PITPNM2: variants seen among roughly 807,000 people sequenced by gnomAD.
The protein encoded by PITPNM2 is membrane-associated phosphatidylinositol transfer protein 2.
In PITPNM2, 35 loss-of-function variants were observed where a neutral mutation model predicts 132.2. That is an observed-to-expected ratio of 0.26 (90% CI 0.20 to 0.35). PITPNM2 has a LOEUF of 0.35. Among genes scored for constraint, PITPNM2 ranks in the 10% least tolerant of loss-of-function variants. The pLI is 1.00. For missense variants in PITPNM2, 1,332 were observed against 1,912.0 expected, an observed-to-expected ratio of 0.70 and a Z score of 5.66; for synonymous variants, 738 against 799.2, an observed-to-expected ratio of 0.92 and a Z score of 1.29.
intron 2 of PITPNM2, among the ~76,000 whole-genome samples, chr12:123,047,352 T>G (rs1203989599): frequency 2.0e-5 from 3 of 152,252 alleles, no homozygotes; most frequent in South Asian, 2.1e-4. Context: ...GTTTTTATTC[T>G]AATGTTCTTA....
chr12:123,132,414 G>C (rs1305795686), intron 1 of PITPNM2, among the ~76,000 whole-genome samples: 3 of 152,178 alleles, frequency 2.0e-5, no homozygotes, highest in South Asian at 2.1e-4. Flanking sequence ...CACAGGGCCA[G>C]GTGTGGTCCA....
Position 123,120,774 on chromosome 12 carries a change from C to T in PITPNM2, c.-199-10286G>A, listed in dbSNP as rs142026493. ...GACACCACAGCCCCAGCAGGGACAA[C>T]CTCTCTGAGCACCTACTCTGAGCCA... On this transcript the variant is annotated intron_variant, in intron 1 of 25. Transcript: ENST00000320201. Among the ~76,000 whole-genome samples, 273 of 152,292 alleles carry T rather than the reference C, an allele frequency of 1.8e-3. 2 individuals are homozygous for T. The highest frequency in any genetic ancestry group is 6.5e-3 in the African/African-American group (269 of 41,544).
In PITPNM2 at chr12:122,987,640, G is replaced by A. The variant is rs774836429; in HGVS notation, c.3134C>T (p.Thr1045Ile). 10 of 1,613,392 alleles carry A rather than the reference G, an allele frequency of 6.2e-6. No homozygotes were observed. Among genetic ancestry groups the A allele is most frequent in the Non-Finnish European group, 8.5e-6 (10 of 1,179,782 alleles). The change falls in exon 22 of 26, where the codon ACC (threonine) becomes ATC (isoleucine). Residue 1045 changes from threonine (T) to isoleucine (I), a missense_variant. Thr to Ile is a moderately conservative substitution (Grantham distance 89). Around this residue, in one of 6 missense-constraint regions of PITPNM2, gnomAD observed 251 missense variants for 472.0 expected, o/e 0.53. Transcript: ENST00000320201. The part of the protein sequence containing the change: ...TGEKVDVHIM[T>I]QPPSGEWLYL... The stretch of plus-strand genomic sequence containing the variant: ...GAGCCACTCGCCTGAGGGCGGCTGG[G>A]TCATGATGTGCACATCCACCTGGGC...
intron 11 of PITPNM2, 119 bp from the exon 12 acceptor site, chr12:122,997,029 G>T: frequency 9.0e-7 from 1 of 1,106,152 alleles, no homozygotes; most frequent in Non-Finnish European, 1.3e-6. Context: ...ACCCTTCCCG[G>T]CCAGGGCCTG....
In PITPNM2 at chr12:122,994,933, T is replaced by G. The variant is rs2038358375; in HGVS notation, c.2101A>C (p.Ser701Arg). The G allele has an allele frequency of 1.2e-6, 2 of 1,611,476 alleles. No homozygotes were observed. The highest frequency in any genetic ancestry group is 1.7e-6 in the Non-Finnish European group (2 of 1,179,714). The change falls in exon 15 of 26, where the codon AGC (serine) becomes CGC (arginine). Residue 701 changes from serine (S) to arginine (R), a missense_variant. Physicochemically the swap from Ser to Arg is moderately radical, Grantham distance 110 (BLOSUM62 -1). Coordinates refer to ENST00000320201, the MANE Select transcript of PITPNM2 (RefSeq NM_020845.3). This position sits in a 1 kb window ranked among gnomAD's most constrained non-coding sequence, Gnocchi z 5.4. Reference protein sequence around the residue: ...LRTEPCSRHSSSSTMLDGTGA... With the variant: ...LRTEPCSRHSRSSTMLDGTGA... ...GTGCCATCCAGCATGGTGGAGCTGCTGGAATGGCGTGAGCAGGGCTCAGTC... is the reference window on the plus strand; with the variant it reads ...GTGCCATCCAGCATGGTGGAGCTGCGGGAATGGCGTGAGCAGGGCTCAGTC...
chr12:123,038,229 G>A (rs1445075613), intron 2 of PITPNM2, among the ~76,000 whole-genome samples: 2 of 152,222 alleles, frequency 1.3e-5, no homozygotes, highest in African/African-American at 4.8e-5. Context: ...GTACATACAT[G>A]GATAGGAAGA....
chr12:123,104,745 G>A (rs2042659416), intron 2 of PITPNM2, among the ~76,000 whole-genome samples: 1 of 152,078 alleles, frequency 6.6e-6, no homozygotes, highest in African/African-American at 2.4e-5. Context: ...GTGATTAAAA[G>A]CTTTATTGCT....
intron 1 of PITPNM2, among the ~76,000 whole-genome samples, chr12:123,144,995 G>T (rs1387114816): frequency 6.6e-6 from 1 of 152,170 alleles, no homozygotes; most frequent in Non-Finnish European, 1.5e-5. Flanking sequence ...CACTAACTCA[G>T]TGTTTGAAGA....
At chr12:123,110,765 C>T (rs569158916) in intron 1 of PITPNM2, among the ~76,000 whole-genome samples, 1 of 152,334 alleles carries the variant, frequency 6.6e-6, no homozygotes, top group African/African-American at 2.4e-5. Context: ...ACCACCAGCA[C>T]ACACCATAAG....
chr12:123,098,947 T>C (rs916963420), intron 2 of PITPNM2, among the ~76,000 whole-genome samples: 51 of 152,186 alleles, frequency 3.4e-4, no homozygotes, highest in African/African-American at 1.2e-3. Context: ...CCCCCTTTAC[T>C]CCTGATAAAC....
intron 2 of PITPNM2, among the ~76,000 whole-genome samples, chr12:123,076,376 A>C (rs1447629966): frequency 6.6e-6 from 1 of 152,252 alleles, no homozygotes; most frequent in African/African-American, 2.4e-5. Context: ...GCTCAAAGGC[A>C]GTTTTAAAGA....
At position 123,078,978 on chromosome 12, in the gene PITPNM2, C is replaced by T. The variant is rs1364844544; in HGVS notation, c.-96+31407G>A. Among the ~76,000 whole-genome samples the T allele has an allele frequency of 6.6e-6, 1 of 152,224 alleles. No homozygotes were observed. Among genetic ancestry groups the T allele is most frequent in the Admixed American group, 6.5e-5 (1 of 15,288 alleles). ...TCACATGACCAGGGGCAAGTCTGGT[C>T]ACTTCCTTGAGCTTCTATCTCCTTA... On this transcript the variant is annotated intron_variant, in intron 2 of 25. Coordinates refer to ENST00000320201, the MANE Select transcript of PITPNM2 (RefSeq NM_020845.3). The surrounding 1 kb of genome is among the most constrained non-coding windows in gnomAD (Gnocchi z 7.3).
upstream of PITPNM2, among the ~76,000 whole-genome samples, chr12:123,151,226 A>C (rs906981792): frequency 4.9e-5 from 7 of 143,924 alleles, no homozygotes; most frequent in African/African-American, 7.5e-5. Flanking sequence ...CCTCCGCCGG[A>C]AGAAACCTCT....
intron 1 of PITPNM2, among the ~76,000 whole-genome samples, chr12:123,129,340 G>A (rs1057097360): frequency 7.9e-5 from 12 of 152,108 alleles, no homozygotes; most frequent in South Asian, 2.1e-4. Flanking sequence ...AGGCCGAGGC[G>A]GGCGGATCAC....
chr12:123,067,017 C>T (rs2041446740), intron 2 of PITPNM2, among the ~76,000 whole-genome samples: 1 of 152,210 alleles, frequency 6.6e-6, no homozygotes, highest in Non-Finnish European at 1.5e-5. Flanking sequence ...CCCAAATTCA[C>T]ATCTAACTAG....
intron 1 of PITPNM2, among the ~76,000 whole-genome samples, chr12:123,145,849 C>T (rs2137708298): frequency 6.6e-6 from 1 of 152,298 alleles, no homozygotes; most frequent in Non-Finnish European, 1.5e-5. Context: ...GATACAGGCA[C>T]ACGTATGTTC....
In PITPNM2 at chr12:123,083,069, C is replaced by T; in HGVS notation, c.-96+27316G>A. ...CATGTTCTTTTTAAAATATTGCCTG[C>T]CCAGGCACAGTACAGTAGCATACGC... On this transcript the variant is annotated intron_variant, in intron 2 of 25. Coordinates refer to ENST00000320201, the MANE Select transcript of PITPNM2 (RefSeq NM_020845.3). This position sits in a 1 kb window ranked among gnomAD's most constrained non-coding sequence, Gnocchi z 4.5. 1 of 152,190 alleles carries T rather than the reference C, an allele frequency of 6.6e-6. No homozygotes were observed. The highest frequency in any genetic ancestry group is 1.9e-4 in the East Asian group (1 of 5,188). The allele number at this position is 152,190 out of a possible 1,614,324, so 9.4% of individuals were successfully genotyped here. A position where few individuals can be genotyped will look rare whatever the true frequency, so the allele number is the denominator to read the frequency against.
chr12:123,021,421 C>T (rs573576185), intron 3 of PITPNM2, among the ~76,000 whole-genome samples: 2 of 152,316 alleles, frequency 1.3e-5, no homozygotes, highest in East Asian at 3.9e-4. Flanking sequence ...AGCCTTGACC[C>T]CCCAAGCTCA....
chr12:123,100,135 AGTTAGGTTCTGGAACCT>A (rs2042523517), intron 2 of PITPNM2, among the ~76,000 whole-genome samples: 1 of 152,250 alleles, frequency 6.6e-6, no homozygotes, highest in Non-Finnish European at 1.5e-5. Context: ...TGTCCCAGGC[AGTTAGGTTCTGGAACCT>A]GCATTAACCA....
Sources: gnomAD v4.1 joint callset for allele counts (sites outside exome capture counted in the v4.1 genomes callset) on GRCh38, gnomAD v4.1.1 for gene constraint, gnomAD v4.1.1 regional missense constraint, Gnocchi (gnomAD v3.1) non-coding constraint, MANE v1.5 for transcripts, NCBI Gene and HGNC (gene_info 2026-07-23, HGNC 2026-07-21) for gene names.